NCAM2: variants seen among roughly 807,000 people sequenced by gnomAD.
The protein encoded by NCAM2 is neural cell adhesion molecule 2, also known as N-CAM-2.
In NCAM2, 30 loss-of-function variants were observed where a neutral mutation model predicts 98.1. That is an observed-to-expected ratio of 0.31 (90% CI 0.23 to 0.41). The LOEUF (loss-of-function observed/expected upper bound fraction) is 0.41, where lower values mean the gene tolerates loss of function less well. NCAM2 is among the 10% of genes least tolerant of loss of function. The pLI is 1.00. For missense variants in NCAM2, 867 were observed against 1,005.8 expected (o/e 0.86, Z 1.87); for synonymous variants, 368 against 342.4 (o/e 1.07, Z -0.83).
intron 12 of NCAM2, among the ~76,000 whole-genome samples, chr21:21,451,937 G>A (rs1238440759): frequency 6.6e-6 from 1 of 151,908 alleles, no homozygotes; most frequent in Non-Finnish European, 1.5e-5. Context: ...TATTGGTTGG[G>A]CCACTCATAC....
intron 1 of NCAM2, among the ~76,000 whole-genome samples, chr21:21,204,014 C>A (rs925071334): frequency 6.6e-6 from 1 of 151,992 alleles, no homozygotes; most frequent in Non-Finnish European, 1.5e-5. Flanking sequence ...GAATACTTAC[C>A]GTAGTTAACA....
intron 6 of NCAM2, among the ~76,000 whole-genome samples, chr21:21,331,511 C>CTATATATA (rs1400422948): frequency 4.6e-4 from 3 of 6,564 alleles, no homozygotes; most frequent in Middle Eastern, 0.062. Flanking sequence ...TCTATACTCT[C>CTATATATA]TCTCTCTATA....
At chr21:21,428,169 T>G (rs2077256177) in intron 11 of NCAM2, among the ~76,000 whole-genome samples, 1 of 152,232 alleles carries the variant, frequency 6.6e-6, no homozygotes, top group African/African-American at 2.4e-5. Context: ...CAATTGCTTT[T>G]CTATTCATTT....
At chr21:21,291,868 T>A (rs924292179) in intron 4 of NCAM2, among the ~76,000 whole-genome samples, 2 of 150,284 alleles carry the variant, frequency 1.3e-5, no homozygotes, top group Non-Finnish European at 3.0e-5. Context: ...GGATATAAAG[T>A]CTTGAATGTA....
At chr21:21,304,604 A>G (rs1253774087) in intron 5 of NCAM2, among the ~76,000 whole-genome samples, 5 of 152,084 alleles carry the variant, frequency 3.3e-5, no homozygotes, top group Non-Finnish European at 7.4e-5. Context: ...TCATTTCCAT[A>G]TTAATTTTAG....
At chr21:21,259,175 C>A (rs938075969) in intron 1 of NCAM2, among the ~76,000 whole-genome samples, 2 of 152,134 alleles carry the variant, frequency 1.3e-5, no homozygotes, top group Non-Finnish European at 2.9e-5. Flanking sequence ...TGGGGCCCAA[C>A]TTCCCCTCCC....
chr21:21,284,543 A>G (rs535965809), intron 3 of NCAM2, 143 bp downstream of exon 3: 1 of 655,728 alleles, frequency 1.5e-6, no homozygotes, highest in Non-Finnish European at 2.6e-6. Flanking sequence ...ACCAGAGTGT[A>G]TCTTAGAATA....
chr21:21,344,105 T>G (rs1054667167), intron 8 of NCAM2, among the ~76,000 whole-genome samples: 19 of 152,136 alleles, frequency 1.2e-4, no homozygotes. Context: ...ATGTCTTATC[T>G]CCCAAACGGT....
chr21:21,240,990 A>G (rs1159754606), intron 1 of NCAM2, among the ~76,000 whole-genome samples: 1 of 152,148 alleles, frequency 6.6e-6, no homozygotes, highest in Non-Finnish European at 1.5e-5. Context: ...TGTTATAGTT[A>G]AAATTGCTTG....
At chr21:21,461,093 A>G (rs896326559) in intron 12 of NCAM2, among the ~76,000 whole-genome samples, 2 of 151,888 alleles carry the variant, frequency 1.3e-5, no homozygotes, top group Non-Finnish European at 2.9e-5. Flanking sequence ...ACGCATTTAG[A>G]CTATAGAAGG....
At chr21:21,067,100 T>C (rs1237104395) in intron 1 of NCAM2, among the ~76,000 whole-genome samples, 1 of 151,572 alleles carries the variant, frequency 6.6e-6, no homozygotes, top group African/African-American at 2.4e-5. Flanking sequence ...AAATTATTGC[T>C]AATATACTTA....
Position 21,373,969 on chromosome 21 carries a change from G to A in NCAM2, c.1151G>A (p.Ser384Asn). 1 of 1,611,142 alleles carries A rather than the reference G, an allele frequency of 6.2e-7. No homozygotes were observed. Among genetic ancestry groups the A allele is most frequent in the African/African-American group, 1.3e-5 (1 of 74,746 alleles). ...GGGAGATATGACTGTGAAGCTGCAA[G>A]CAGAATTGGAGGGCATCAAAAGAGC... ...DSGRYDCEAA[S>N]RIGGHQKSMY... Residue 384 changes from serine to asparagine, a missense_variant, in exon 9 of 18, where the codon AGC becomes AAC. Physicochemically the swap from Ser to Asn is conservative, Grantham distance 46 (BLOSUM62 1). This residue lies in a region of NCAM2 where 447 missense variants were observed against 495.7 expected (regional missense o/e 0.90). Transcript: ENST00000400546.
intron 1 of NCAM2, among the ~76,000 whole-genome samples, chr21:21,043,628 G>A (rs188910163): frequency 1.2e-4 from 18 of 151,586 alleles, no homozygotes; most frequent in Admixed American, 6.6e-4. Flanking sequence ...ATAGGTGGGC[G>A]GGTCACAAGG....
chr21:21,532,447 G>A (rs1197157352), intron 16 of NCAM2, among the ~76,000 whole-genome samples: 1 of 151,842 alleles, frequency 6.6e-6, no homozygotes, highest in South Asian at 2.1e-4. Flanking sequence ...GAATTGTAAA[G>A]GCTACTAACT....
chr21:21,050,237 G>A (rs954969762), intron 1 of NCAM2, among the ~76,000 whole-genome samples: 4 of 152,134 alleles, frequency 2.6e-5, no homozygotes, highest in Admixed American at 2.0e-4. Flanking sequence ...ACCTAAAAAA[G>A]TGAAAGGATT....
intron 1 of NCAM2, among the ~76,000 whole-genome samples, chr21:21,270,592 A>G (rs576211171): frequency 6.6e-6 from 1 of 152,174 alleles, no homozygotes; most frequent in Non-Finnish European, 1.5e-5. Context: ...TGACTTCTAT[A>G]TTTACTTCTT....
intron 1 of NCAM2, among the ~76,000 whole-genome samples, chr21:21,002,995 C>A (rs1478731459): frequency 1.6e-4 from 24 of 152,202 alleles, no homozygotes; most frequent in Admixed American, 1.2e-3. Flanking sequence ...AAAATTCCTG[C>A]ACTTTATAGA....
rs1310089646 is a variant in NCAM2 at position 21,092,620 on chromosome 21, G to A, written c.55+94002G>A. On this transcript the variant is annotated intron_variant, in intron 1 of 17. Transcript: ENST00000400546. ...TATGTCAACTGAATATCAAATTGTTGACAAAATATTTCTAAGTGGAAAACA... is the reference window on the plus strand; with the variant it reads ...TATGTCAACTGAATATCAAATTGTTAACAAAATATTTCTAAGTGGAAAACA... Among the ~76,000 whole-genome samples the A allele has an allele frequency of 2.0e-5, 3 of 151,398 alleles. No homozygotes were observed. In the East Asian group the frequency reaches 5.8e-4, roughly 29 times the overall value.
At chr21:21,280,513 A>T (rs993369827) in intron 1 of NCAM2, 65 bp from the exon 2 acceptor site, 131 of 1,098,024 alleles carry the variant, frequency 1.2e-4, no homozygotes, top group Non-Finnish European at 3.8e-5. Context: ...TTTAGACATC[A>T]TGCATTAAAA....
Sources: gnomAD v4.1 joint callset for allele counts (sites outside exome capture counted in the v4.1 genomes callset) on GRCh38, gnomAD v4.1.1 for gene constraint, gnomAD v4.1.1 regional missense constraint, MANE v1.5 for transcripts, NCBI Gene and HGNC (gene_info 2026-07-23, HGNC 2026-07-21) for gene names.